SLC44A5: variants seen among roughly 807,000 people sequenced by gnomAD.
The protein encoded by SLC44A5 is solute carrier family 44 member 5.
A neutral mutation model predicts 101.8 loss-of-function variants in SLC44A5; 57 were observed. That is an observed-to-expected ratio of 0.56 (90% CI 0.45 to 0.70). The LOEUF (loss-of-function observed/expected upper bound fraction) is 0.70, where lower values mean the gene tolerates loss of function less well. SLC44A5 is among the 30% of genes least tolerant of loss of function. SLC44A5 has a pLI of 0.00. For missense variants in SLC44A5, 737 were observed against 853.1 expected (o/e 0.86, Z 1.70); for synonymous variants, 281 against 290.9 (o/e 0.97, Z 0.35).
chr1:75,680,906 G>A, the SLC44A5 span, among the ~76,000 whole-genome samples: 40 of 150,466 alleles, frequency 2.7e-4, no homozygotes, highest in African/African-American at 7.1e-4. Context: ...TCAAATAGAC[G>A]CAATAAAAAA....
the SLC44A5 span, among the ~76,000 whole-genome samples, chr1:75,688,708 T>C: frequency 6.6e-6 from 1 of 152,128 alleles, no homozygotes; most frequent in Non-Finnish European, 1.5e-5. Context: ...CAGCCAGTGA[T>C]CATCTCTTTA....
At chr1:75,580,919 T>C (rs1673660976) in intron 1 of SLC44A5, among the ~76,000 whole-genome samples, 1 of 151,896 alleles carries the variant, frequency 6.6e-6, no homozygotes, top group East Asian at 1.9e-4. Context: ...ACAGGGAATA[T>C]TTTTTTAAAA....
intron 2 of SLC44A5, among the ~76,000 whole-genome samples, chr1:75,476,779 T>A (rs1057142738): frequency 9.2e-5 from 14 of 152,186 alleles, no homozygotes; most frequent in Non-Finnish European, 1.6e-4. Context: ...CCACCACAGC[T>A]CAAGGAGGCC....
intron 1 of SLC44A5, among the ~76,000 whole-genome samples, chr1:75,594,275 T>C (rs897839479): frequency 3.3e-5 from 5 of 152,012 alleles, no homozygotes; most frequent in African/African-American, 7.2e-5. Context: ...ACATCATAAA[T>C]GGAGATATAT....
At chr1:75,208,910 A>G (rs767833658) in intron 23 of SLC44A5, among the ~76,000 whole-genome samples, 1 of 152,186 alleles carries the variant, frequency 6.6e-6, no homozygotes, top group Non-Finnish European at 1.5e-5. Flanking sequence ...CATTGTAAAA[A>G]TCACCAGTTT....
chr1:75,477,503 A>C (rs1360169707), intron 2 of SLC44A5, among the ~76,000 whole-genome samples: 1 of 152,194 alleles, frequency 6.6e-6, no homozygotes, highest in Admixed American at 6.5e-5. Flanking sequence ...AAAACCTTTG[A>C]AAAAAATTTA....
upstream of SLC44A5, among the ~76,000 whole-genome samples, chr1:75,611,855 C>G (rs1296866640): frequency 6.6e-6 from 1 of 151,890 alleles, no homozygotes; most frequent in South Asian, 2.1e-4. Flanking sequence ...CTTCTGTGGA[C>G]CCCTTTCTGT....
At chr1:75,634,235 T>C in the SLC44A5 span, among the ~76,000 whole-genome samples, 1 of 152,200 alleles carries the variant, frequency 6.6e-6, no homozygotes, top group East Asian at 1.9e-4. Context: ...GCTGGCCTCC[T>C]CAAATGAGTT....
At chr1:75,492,521 A>G (rs1668476478) in intron 2 of SLC44A5, among the ~76,000 whole-genome samples, 1 of 152,214 alleles carries the variant, frequency 6.6e-6, no homozygotes, top group African/African-American at 2.4e-5. Flanking sequence ...ACAGTCCTTT[A>G]CCACAGAGAT....
At chr1:75,707,628 A>C in the SLC44A5 span, among the ~76,000 whole-genome samples, 1 of 152,166 alleles carries the variant, frequency 6.6e-6, no homozygotes, top group African/African-American at 2.4e-5. Flanking sequence ...GATCCCCCAC[A>C]AATAAAAGGT....
intron 5 of SLC44A5, among the ~76,000 whole-genome samples, chr1:75,292,952 C>A (rs1276086245): frequency 5.3e-5 from 8 of 152,202 alleles, no homozygotes; most frequent in African/African-American, 1.9e-4. Context: ...ATAAAACCAA[C>A]ACAAATCTGG....
chr1:75,277,482 GC>G, intron 5 of SLC44A5, among the ~76,000 whole-genome samples: 1 of 152,152 alleles, frequency 6.6e-6, no homozygotes. Context: ...GCTTTCTATT[GC>G]CTGTGGTTTT....
intron 1 of SLC44A5, among the ~76,000 whole-genome samples, chr1:75,579,146 A>G (rs901772890): frequency 7.2e-5 from 11 of 152,224 alleles, no homozygotes; most frequent in Non-Finnish European, 1.2e-4. Flanking sequence ...TGAACTCTGA[A>G]CTATGACCAT....
chr1:75,543,949 A>G lies in SLC44A5; in HGVS notation c.-69-2433T>C, dbSNP rs943468166. Among the ~76,000 whole-genome samples, 21 of 152,224 alleles carry G rather than the reference A, an allele frequency of 1.4e-4. 1 individual carries two copies. The highest frequency in any genetic ancestry group is 5.1e-4 in the African/African-American group (21 of 41,556). ...CCAAAGATAACATCTTTGCTCAGGC[A>G]GGTGATTAATAATCACTCTTTATAA... On this transcript the variant is annotated intron_variant, in intron 1 of 23. Transcript: ENST00000370859.
At chr1:75,498,268 T>C (rs1668776984) in intron 2 of SLC44A5, among the ~76,000 whole-genome samples, 1 of 152,154 alleles carries the variant, frequency 6.6e-6, no homozygotes, top group African/African-American at 2.4e-5. Flanking sequence ...TAATGGTGCA[T>C]GTACACTGCA....
chr1:75,561,626 A>G (rs1672522989), intron 1 of SLC44A5, among the ~76,000 whole-genome samples: 1 of 152,176 alleles, frequency 6.6e-6, no homozygotes, highest in Non-Finnish European at 1.5e-5. Flanking sequence ...GAATAAAATT[A>G]AAAGGAAAAT....
chr1:75,259,359 C>A (rs1045384119), intron 6 of SLC44A5, among the ~76,000 whole-genome samples: 1 of 152,092 alleles, frequency 6.6e-6, no homozygotes, highest in African/African-American at 2.4e-5. Context: ...CTGAAAAACA[C>A]AGCACAAGAA....
chr1:75,287,499 C>T (rs1249894757), intron 5 of SLC44A5, among the ~76,000 whole-genome samples: 4 of 114,262 alleles, frequency 3.5e-5, no homozygotes, highest in African/African-American at 1.4e-4. Flanking sequence ...TTAGTGTGAT[C>T]TTTTGGGGGT....
At chr1:75,420,523 T>C (rs1490389708) in intron 2 of SLC44A5, among the ~76,000 whole-genome samples, 1 of 152,158 alleles carries the variant, frequency 6.6e-6, no homozygotes, top group Admixed American at 6.5e-5. Flanking sequence ...GCAGAGCTTG[T>C]AAATTTACAT....
Sources: gnomAD v4.1 joint callset for allele counts (sites outside exome capture counted in the v4.1 genomes callset) on GRCh38, gnomAD v4.1.1 for gene constraint, MANE v1.5 for transcripts, NCBI Gene and HGNC (gene_info 2026-07-23, HGNC 2026-07-21) for gene names.